CABIN1: variants seen among roughly 807,000 people sequenced by gnomAD.
The protein encoded by CABIN1 is calcineurin binding protein 1, also known as calcineurin-binding protein cabin-1.
A neutral mutation model predicts 227.7 loss-of-function variants in CABIN1; 133 were observed. That is an observed-to-expected ratio of 0.58 (90% CI 0.51 to 0.67). The LOEUF (loss-of-function observed/expected upper bound fraction) is 0.67, where lower values mean the gene tolerates loss of function less well. Among genes scored for constraint, CABIN1 ranks in the 30% least tolerant of loss-of-function variants. The probability of loss-of-function intolerance (pLI) is 0.00; values close to 1 mark genes in which losing one functional copy is unlikely to be tolerated. For missense variants in CABIN1, 2,408 were observed against 2,852.5 expected, an observed-to-expected ratio of 0.84 and a Z score of 3.55; for synonymous variants, 1,086 against 1,155.1, an observed-to-expected ratio of 0.94 and a Z score of 1.21.
chr22:24,145,702 A>C (rs2045071032), intron 29 of CABIN1, among the ~76,000 whole-genome samples: 1 of 152,206 alleles, frequency 6.6e-6, no homozygotes, highest in Non-Finnish European at 1.5e-5. Flanking sequence ...ACAGGGCGCT[A>C]GGATGCCTCT....
At chr22:24,125,900 G>A (rs1321904876) in intron 28 of CABIN1, among the ~76,000 whole-genome samples, 2 of 152,200 alleles carry the variant, frequency 1.3e-5, no homozygotes, top group East Asian at 1.9e-4. Context: ...TGGGCCCTTA[G>A]GTGCCAGAGG....
At chr22:24,049,350 C>A in intron 7 of CABIN1, 130 bp downstream of exon 7, 1 of 1,122,398 alleles carries the variant, frequency 8.9e-7, no homozygotes, top group Non-Finnish European at 1.3e-6. Flanking sequence ...CATGCCCTGC[C>A]GCAGCCCCTG....
At chr22:24,098,232 A>G (rs781324313) in intron 26 of CABIN1, 40 bp downstream of exon 26, 19 of 1,611,104 alleles carry the variant, frequency 1.2e-5, no homozygotes, top group Admixed American at 6.7e-5. Flanking sequence ...CCAGGGCGGC[A>G]CATCAATCAC....
intron 23 of CABIN1, among the ~76,000 whole-genome samples, 160 bp from the exon 24 acceptor site, chr22:24,091,423 C>T (rs539368281): frequency 3.3e-5 from 5 of 152,292 alleles, no homozygotes; most frequent in South Asian, 2.1e-4. Context: ...TTCTACACTT[C>T]GGTGTCACCA....
chr22:24,110,747 A>G (rs568255031), intron 26 of CABIN1, among the ~76,000 whole-genome samples: 4 of 152,160 alleles, frequency 2.6e-5, no homozygotes, highest in Non-Finnish European at 5.9e-5. Flanking sequence ...TGTAATTTCT[A>G]ATGAGAAGTC....
At chr22:24,087,938 T>C (rs1196873037) in intron 23 of CABIN1, among the ~76,000 whole-genome samples, 1 of 152,182 alleles carries the variant, frequency 6.6e-6, no homozygotes, top group African/African-American at 2.4e-5. Context: ...AGGGACAGGC[T>C]GTTAGACCCA....
At chr22:24,074,133 TTTATAAC>T (rs1291224021) in intron 18 of CABIN1, among the ~76,000 whole-genome samples, 3 of 152,094 alleles carry the variant, frequency 2.0e-5, no homozygotes, top group Admixed American at 6.5e-5. Flanking sequence ...AAACCTAAAG[TTTATAAC>T]TATAAAAGTT....
At chr22:24,169,060 C>T (rs1208561968) in intron 33 of CABIN1, among the ~76,000 whole-genome samples, 1 of 151,590 alleles carries the variant, frequency 6.6e-6, no homozygotes, top group Admixed American at 6.6e-5. Context: ...AGGTCCAGGC[C>T]AGGGCTGGGG....
intron 29 of CABIN1, among the ~76,000 whole-genome samples, chr22:24,136,176 T>C (rs2044382771): frequency 6.6e-6 from 1 of 152,132 alleles, no homozygotes; most frequent in African/African-American, 2.4e-5. Context: ...TGCACATAGA[T>C]GCGCATAAAA....
intron 10 of CABIN1, among the ~76,000 whole-genome samples, chr22:24,056,698 A>G (rs2038823581): frequency 1.3e-5 from 2 of 152,202 alleles, no homozygotes; most frequent in Admixed American, 6.5e-5. Context: ...ATGCCCTGAA[A>G]ACCCCATGGA....
intron 29 of CABIN1, among the ~76,000 whole-genome samples, chr22:24,150,624 A>G (rs376044369): frequency 3.3e-5 from 5 of 152,330 alleles, no homozygotes; most frequent in African/African-American, 7.2e-5. Context: ...CTAGGACAGG[A>G]CAGGGGGCTA....
intron 26 of CABIN1, among the ~76,000 whole-genome samples, chr22:24,100,012 C>T (rs2042111738): frequency 6.6e-6 from 1 of 152,250 alleles, no homozygotes; most frequent in Non-Finnish European, 1.5e-5. Context: ...CTGCAGATCA[C>T]TCAGGCATGA....
intron 1 of CABIN1, among the ~76,000 whole-genome samples, chr22:24,020,436 G>T (rs767588426): frequency 1.3e-5 from 2 of 151,450 alleles, no homozygotes; most frequent in Non-Finnish European, 2.9e-5. Context: ...ATCCTCCTCC[G>T]TCAGCCTCCC....
intron 34 of CABIN1, 190 bp from the exon 35 acceptor site, chr22:24,175,921 G>A: frequency 1.4e-6 from 1 of 691,094 alleles, no homozygotes; most frequent in South Asian, 1.7e-5. Flanking sequence ...CCCTACCAGT[G>A]TCCTCTTGGG....
chr22:24,039,452 C>CCAA (rs1311893973), intron 4 of CABIN1, among the ~76,000 whole-genome samples: 1 of 152,166 alleles, frequency 6.6e-6, no homozygotes, highest in Non-Finnish European at 1.5e-5. Context: ...TTACTGGTTA[C>CCAA]AGTGCTTTGG....
intron 27 of CABIN1, among the ~76,000 whole-genome samples, chr22:24,118,755 G>A (rs990140667): frequency 2.0e-5 from 3 of 152,204 alleles, no homozygotes; most frequent in Admixed American, 6.5e-5. Context: ...GGGGCCAGCC[G>A]TGCAGCACCA....
At chr22:24,169,985 C>T (rs2046695617) in intron 33 of CABIN1, 1 of 366,538 alleles carries the variant, frequency 2.7e-6, no homozygotes, top group Non-Finnish European at 5.5e-6. Flanking sequence ...GTGGCCAGAG[C>T]CAGGGGACCC....
Position 24,171,758 on chromosome 22 carries a change from C to T in CABIN1, c.5803C>T (p.Arg1935Ter). 1 of 1,614,184 alleles carries T rather than the reference C, an allele frequency of 6.2e-7. No individual in the cohort carries two copies. Among genetic ancestry groups the T allele is most frequent in the Non-Finnish European group, 8.5e-7 (1 of 1,180,036 alleles). Residue 1935 changes from arginine to a stop codon, truncating the protein, a stop_gained, in exon 34 of 37, where the codon CGA becomes TGA. Coordinates refer to ENST00000263119, the MANE Select transcript of CABIN1 (RefSeq NM_012295.4). LOFTEE classifies it high-confidence loss of function. ...PTTPKHPKDS[R>*]ENFFPVTVVP... ...CACTCCAAAGCACCCCAAAGACAGC[C>T]GAGAGAACTTCTTTCCTGTGACAGT...
At position 24,172,057 on chromosome 22, in the gene CABIN1, G is replaced by C. The variant is rs959109932; in HGVS notation, c.6040+62G>C. The C allele has an allele frequency of 3.9e-6, 6 of 1,554,424 alleles. No homozygotes were observed. The Admixed American group carries it at 9.2e-5, about 24-fold the overall frequency. ...CCTGCCACCATCAAGTCCTCCCTGC[G>C]GGGAGAGTGTGAGTATGGGTAAGGG... is the stretch of plus-strand genomic sequence containing the variant. On this transcript the variant is annotated intron_variant, in intron 34 of 36. Coordinates refer to ENST00000263119, the MANE Select transcript of CABIN1 (RefSeq NM_012295.4).
Sources: allele counts gnomAD v4.1 joint callset (sites outside exome capture counted in the v4.1 genomes callset), GRCh38; gene constraint gnomAD v4.1.1; transcripts MANE v1.5; gene names NCBI Gene and HGNC (gene_info 2026-07-23, HGNC 2026-07-21).